The following C1orf87 variants were observed in gnomAD, a reference collection of about 807,000 sequenced individuals.
C1orf87 encodes the protein uncharacterized protein C1orf87.
In C1orf87, 58 loss-of-function variants were observed where a neutral mutation model predicts 60.5. The ratio of observed to expected loss-of-function variants is 0.96; its 90% CI spans 0.78 to 1.19. The LOEUF is 1.19. Among genes scored for constraint, C1orf87 ranks in the 50% most tolerant of loss-of-function variants. The pLI, the probability that C1orf87 is intolerant of heterozygous loss-of-function variation, is 0.00. For synonymous variants in C1orf87, 236 were observed against 227.4 expected (o/e 1.04, Z -0.34); for missense variants, 673 against 638.6 (o/e 1.05, Z -0.58).
At chr1:60,045,801 G>A (rs1180877182) in intron 3 of C1orf87, among the ~76,000 whole-genome samples, 1 of 152,196 alleles carries the variant, frequency 6.6e-6, no homozygotes, top group Non-Finnish European at 1.5e-5. Context: ...CCAGGAATCT[G>A]TGTTTGAATA....
At chr1:59,995,675 G>T (rs926418173) in intron 11 of C1orf87, among the ~76,000 whole-genome samples, 1 of 152,096 alleles carries the variant, frequency 6.6e-6, no homozygotes, top group Admixed American at 6.6e-5. Context: ...GCATTAGATG[G>T]TCAGCCTCAT....
chr1:59,999,534 A>C (rs1644986820), intron 10 of C1orf87, among the ~76,000 whole-genome samples: 1 of 152,122 alleles, frequency 6.6e-6, no homozygotes, highest in Non-Finnish European at 1.5e-5. Context: ...ATATTTCTTT[A>C]GATAGTTCAA....
intron 11 of C1orf87, 104 bp from the exon 12 acceptor site, chr1:59,990,937 TA>T: frequency 8.7e-7 from 1 of 1,143,508 alleles, no homozygotes; most frequent in Non-Finnish European, 1.2e-6. Context: ...GACTAAATGC[TA>T]ATACTTTGCA....
At chr1:60,043,631 G>A (rs1296856347) in intron 3 of C1orf87, among the ~76,000 whole-genome samples, 3 of 151,960 alleles carry the variant, frequency 2.0e-5, no homozygotes, top group Admixed American at 6.6e-5. Context: ...TGATCCTCCC[G>A]CCTTGGCCTC....
intron 9 of C1orf87, among the ~76,000 whole-genome samples, chr1:60,003,310 G>A (rs1230363183): frequency 7.8e-6 from 1 of 128,286 alleles, no homozygotes; most frequent in Admixed American, 8.9e-5. Flanking sequence ...ATCACACTCT[G>A]GGGACTTTTG....
At chr1:60,055,574 T>TG (rs1645448844) in intron 2 of C1orf87, 136 bp from the exon 3 acceptor site, 5 of 682,066 alleles carry the variant, frequency 7.3e-6, no homozygotes, top group South Asian at 5.5e-5. Context: ...GCATAAACAT[T>TG]GGTTATTTGT....
chr1:60,007,560 TATG>T (rs1210203928), intron 9 of C1orf87, among the ~76,000 whole-genome samples: 2 of 152,118 alleles, frequency 1.3e-5, no homozygotes, highest in Non-Finnish European at 2.9e-5. Flanking sequence ...AGAGATTTTG[TATG>T]ATACCTCCTT....
At chr1:60,045,348 AATATT>A (rs1323790613) in intron 3 of C1orf87, among the ~76,000 whole-genome samples, 14 of 152,222 alleles carry the variant, frequency 9.2e-5, no homozygotes, top group Non-Finnish European at 1.5e-5. Context: ...TTTCCAAATT[AATATT>A]ATATGTAATA....
chr1:60,065,155 A>T (rs922815295), intron 2 of C1orf87, among the ~76,000 whole-genome samples: 4 of 146,160 alleles, frequency 2.7e-5, no homozygotes, highest in Non-Finnish European at 6.0e-5. Flanking sequence ...AAAGAAAAAA[A>T]AATTACCTGG....
chr1:60,070,086 T>C (rs1443167963), intron 2 of C1orf87, among the ~76,000 whole-genome samples: 1 of 152,180 alleles, frequency 6.6e-6, no homozygotes, highest in East Asian at 1.9e-4. Context: ...ACAATTTGAC[T>C]TCAGACCTCT....
chr1:60,018,277 G>C (rs1645137311), intron 8 of C1orf87, among the ~76,000 whole-genome samples: 1 of 152,200 alleles, frequency 6.6e-6, no homozygotes, highest in East Asian at 1.9e-4. Context: ...TGACTGTTTA[G>C]GGATGAAACA....
At chr1:60,047,338 T>A (rs900038703) in intron 3 of C1orf87, among the ~76,000 whole-genome samples, 4 of 152,226 alleles carry the variant, frequency 2.6e-5, no homozygotes, top group Non-Finnish European at 5.9e-5. Context: ...ACATATTTAA[T>A]GTGTTTCAAT....
At chr1:60,069,460 G>A (rs1051536799) in intron 2 of C1orf87, among the ~76,000 whole-genome samples, 20 of 151,778 alleles carry the variant, frequency 1.3e-4, no homozygotes, top group African/African-American at 4.4e-4. Flanking sequence ...GTTGGAAGGC[G>A]GTTATAGTGA....
chr1:59,996,796 C>T (rs1237173213), intron 11 of C1orf87, among the ~76,000 whole-genome samples: 2 of 152,190 alleles, frequency 1.3e-5, no homozygotes, highest in African/African-American at 2.4e-5. Flanking sequence ...TTATCACCAT[C>T]TATCTTGGAT....
intron 9 of C1orf87, among the ~76,000 whole-genome samples, chr1:60,005,051 T>C (rs1005902549): frequency 6.6e-6 from 1 of 152,020 alleles, no homozygotes; most frequent in Non-Finnish European, 1.5e-5. Context: ...AAAACCAGGA[T>C]AGAGAACAAC....
chr1:60,064,252 T>C (rs1320323082), intron 2 of C1orf87, among the ~76,000 whole-genome samples: 2 of 144,976 alleles, frequency 1.4e-5, no homozygotes, highest in Non-Finnish European at 3.0e-5. Context: ...TTATATATGA[T>C]ATATATATTT....
chr1:60,061,090 A>C (rs1645493465), intron 2 of C1orf87, among the ~76,000 whole-genome samples: 1 of 152,210 alleles, frequency 6.6e-6, no homozygotes, highest in African/African-American at 2.4e-5. Context: ...CTGTCTCTGC[A>C]TCACGTCTGG....
At chr1:60,073,045 C>T (rs939934932) in intron 1 of C1orf87, among the ~76,000 whole-genome samples, 4 of 152,140 alleles carry the variant, frequency 2.6e-5, no homozygotes, top group Admixed American at 1.3e-4. Flanking sequence ...GAAACAAGGG[C>T]ATTAGTGGGA....
chr1:60,046,233 CCCTTCCTT>C (rs923527461), intron 3 of C1orf87, among the ~76,000 whole-genome samples: 1 of 137,572 alleles, frequency 7.3e-6, no homozygotes, highest in Non-Finnish European at 1.6e-5. Flanking sequence ...CCTCCCCCTC[CCCTTCCTT>C]CCTTCCTTCC....
Sources: gnomAD v4.1 joint callset for allele counts (sites outside exome capture counted in the v4.1 genomes callset) on GRCh38, gnomAD v4.1.1 for gene constraint, MANE v1.5 for transcripts, NCBI Gene and HGNC (gene_info 2026-07-23, HGNC 2026-07-21) for gene names.